IL1RAPL2: variants seen among roughly 807,000 people sequenced by gnomAD.
IL1RAPL2 encodes interleukin 1 receptor accessory protein like 2.
IL1RAPL2 carries 3 observed loss-of-function variants against 44.1 expected under a neutral mutation model. The observed-to-expected ratio is 0.07, with a 90% CI of 0.03 to 0.18. IL1RAPL2 has a LOEUF of 0.18. Ranked by LOEUF, IL1RAPL2 falls within the 10% of genes least tolerant of loss-of-function variation. The probability of loss-of-function intolerance (pLI) is 1.00; values close to 1 mark genes in which losing one functional copy is unlikely to be tolerated. For missense variants in IL1RAPL2, 391 were observed against 496.4 expected (o/e 0.79, Z 2.02); for synonymous variants, 181 against 178.8 (o/e 1.01, Z -0.10).
chrX:105,015,374 A>G (rs981535418), intron 2 of IL1RAPL2, among the ~76,000 whole-genome samples: 5 of 111,531 alleles, frequency 4.5e-5, no homozygotes, highest in African/African-American at 1.6e-4. Context: ...TGTTTTAGTC[A>G]TGAAGTCTTT....
chrX:104,798,433 C>A (rs1424784627), intron 2 of IL1RAPL2, among the ~76,000 whole-genome samples: 4 of 108,302 alleles, frequency 3.7e-5, no homozygotes, highest in Non-Finnish European at 7.6e-5. Flanking sequence ...CCGAGGCGGG[C>A]GGATCACAAG....
rs60588678 is a variant in IL1RAPL2, at chrX:104,613,806, G to GTT, written c.-19-45069_-19-45068dup. On this transcript the variant is annotated intron_variant, in intron 1 of 10. Coordinates refer to ENST00000372582, the MANE Select transcript of IL1RAPL2 (RefSeq NM_017416.2). Reference sequence around the variant, plus strand: ...TGTAAATCCATCAGGTCCAGGGCATGTTTTTTTTTTTTTTTTTTTTTGGTT... The same window carrying GTT: ...TGTAAATCCATCAGGTCCAGGGCATGTTTTTTTTTTTTTTTTTTTTTTTGGTT... Among the ~76,000 whole-genome samples, 201 of 61,844 alleles carry GTT rather than the reference G, an allele frequency of 3.3e-3. 1 individual carries two copies. The highest frequency in any genetic ancestry group is 0.012 in the African/African-American group (186 of 15,609). 53.7% of individuals were successfully genotyped at this position (61,844 alleles called of 115,157 possible).
intron 1 of IL1RAPL2, among the ~76,000 whole-genome samples, chrX:104,571,210 T>C (rs1928142590): frequency 1.8e-5 from 2 of 112,135 alleles, no homozygotes; most frequent in Admixed American, 1.9e-4. Flanking sequence ...TGCTCTCTAA[T>C]TCAGTATATC....
intron 1 of IL1RAPL2, among the ~76,000 whole-genome samples, chrX:104,633,475 C>A (rs1162207677): frequency 9.0e-6 from 1 of 111,472 alleles, no homozygotes; most frequent in African/African-American, 3.3e-5. Flanking sequence ...AGGTCCTGGA[C>A]TTTTTTTGGT....
intron 1 of IL1RAPL2, among the ~76,000 whole-genome samples, chrX:104,623,534 T>C (rs759835147): frequency 9.0e-6 from 1 of 111,150 alleles, no homozygotes; most frequent in African/African-American, 3.3e-5. Context: ...AGGCAAAGGC[T>C]ACCCATCAGG....
At chrX:105,275,870 T>TTCCTACTTCC (rs1380296532) in intron 5 of IL1RAPL2, among the ~76,000 whole-genome samples, 1 of 111,365 alleles carries the variant, frequency 9.0e-6, no homozygotes, top group African/African-American at 3.3e-5. Context: ...TGCCCCACTG[T>TTCCTACTTCC]TACTCTGTTT....
intron 2 of IL1RAPL2, among the ~76,000 whole-genome samples, chrX:105,165,432 C>G (rs946912459): frequency 1.8e-5 from 2 of 111,505 alleles, no homozygotes; most frequent in African/African-American, 6.5e-5. Context: ...CTCTTTGCTA[C>G]TTCCTTGGTT....
chrX:104,840,894 T>C (rs745884091), intron 2 of IL1RAPL2, among the ~76,000 whole-genome samples: 1 of 109,912 alleles, frequency 9.1e-6, no homozygotes, highest in African/African-American at 3.3e-5. Flanking sequence ...TTTTCCATGT[T>C]GGTCAGGCTG....
At chrX:105,033,724 G>T (rs1319352703) in intron 2 of IL1RAPL2, among the ~76,000 whole-genome samples, 1 of 111,017 alleles carries the variant, frequency 9.0e-6, no homozygotes, top group South Asian at 3.8e-4. Flanking sequence ...TTCTCGAGGA[G>T]TATGTTTGTG....
rs780872444 is a variant in IL1RAPL2, at chrX:105,332,794, C to G, written c.697+65253C>G. Among the ~76,000 whole-genome samples, 3 of 111,272 alleles carry G rather than the reference C, an allele frequency of 2.7e-5. No individual in the cohort carries two copies. The South Asian group carries it at 1.1e-3, about 41-fold the overall frequency. On this transcript the variant is annotated intron_variant, in intron 5 of 10. Transcript: ENST00000372582. ...AATAGCCATTAATAAAATCAAATAC[C>G]TAGGAATTAACCAAATAAGTAGAAG...
At chrX:104,620,966 TATA>T (rs1414686393) in intron 1 of IL1RAPL2, among the ~76,000 whole-genome samples, 1 of 92,907 alleles carries the variant, frequency 1.1e-5, no homozygotes, top group Non-Finnish European at 1.9e-5. Context: ...CTATAATTTA[TATA>T]ATAATATAAT....
chrX:105,232,958 A>G (rs2034084076), intron 3 of IL1RAPL2, among the ~76,000 whole-genome samples: 2 of 111,865 alleles, frequency 1.8e-5, no homozygotes, highest in Non-Finnish European at 3.8e-5. Context: ...AAAGCCCAAA[A>G]TTCAACACCT....
intron 6 of IL1RAPL2, among the ~76,000 whole-genome samples, chrX:105,546,471 C>G (rs1311999096): frequency 1.0e-5 from 1 of 98,441 alleles, no homozygotes; most frequent in Non-Finnish European, 2.0e-5. Context: ...AAAGGTATCA[C>G]TAGGGGTTCC....
At chrX:105,594,931 G>T (rs1290727122) in intron 6 of IL1RAPL2, among the ~76,000 whole-genome samples, 2 of 111,154 alleles carry the variant, frequency 1.8e-5, no homozygotes, top group Admixed American at 9.6e-5. Flanking sequence ...CTACCTAAAG[G>T]GTACTATGCT....
At chrX:104,584,267 G>A (rs1747194575) in intron 1 of IL1RAPL2, among the ~76,000 whole-genome samples, 1 of 111,123 alleles carries the variant, frequency 9.0e-6, no homozygotes, top group African/African-American at 3.3e-5. Flanking sequence ...ACATGCTCAA[G>A]GTTACAGGGC....
chrX:104,647,145 G>T, intron 1 of IL1RAPL2: 1 of 252,281 alleles, frequency 4.0e-6, no homozygotes, highest in East Asian at 9.6e-5. Flanking sequence ...GTGGTGTTAA[G>T]AATCATCAGG....
intron 6 of IL1RAPL2, among the ~76,000 whole-genome samples, chrX:105,548,785 G>A (rs1042848225): frequency 8.9e-6 from 1 of 111,885 alleles, no homozygotes; most frequent in African/African-American, 3.2e-5. Context: ...TGCTATGTGA[G>A]TTATATAGAA....
At chrX:104,791,261 G>A (rs753862863) in intron 2 of IL1RAPL2, among the ~76,000 whole-genome samples, 2 of 87,168 alleles carry the variant, frequency 2.3e-5, no homozygotes, top group Non-Finnish European at 4.3e-5. Context: ...TTACCTCAAG[G>A]CCCAGGGAGA....
intron 5 of IL1RAPL2, among the ~76,000 whole-genome samples, chrX:105,414,692 C>T: frequency 9.0e-6 from 1 of 111,614 alleles, no homozygotes; most frequent in Non-Finnish European, 1.9e-5. Flanking sequence ...CCTCTCAGCT[C>T]AAGTGTCACT....
Sources: allele counts gnomAD v4.1 joint callset (sites outside exome capture counted in the v4.1 genomes callset), GRCh38; gene constraint gnomAD v4.1.1; transcripts MANE v1.5; gene names NCBI Gene and HGNC (gene_info 2026-07-23, HGNC 2026-07-21).